VARS2: variants seen among roughly 807,000 people sequenced by gnomAD.
VARS2 encodes valyl-tRNA synthetase 2, mitochondrial.
In VARS2, 105 loss-of-function variants were observed where a neutral mutation model predicts 154.1. The observed-to-expected ratio is 0.68, with a 90% CI of 0.58 to 0.80. The LOEUF is 0.80. VARS2 is among the 30% of genes least tolerant of loss of function. The probability of loss-of-function intolerance (pLI) is 0.00; values close to 1 mark genes in which losing one functional copy is unlikely to be tolerated. For synonymous variants in VARS2, 483 were observed against 539.5 expected (o/e 0.90, Z 1.45); for missense variants, 1,157 against 1,361.4 (o/e 0.85, Z 2.36).
At chr6:30,922,678 G>A in intron 21 of VARS2, 28 bp from the exon 22 acceptor site, 1 of 1,607,078 alleles carries the variant, frequency 6.2e-7, no homozygotes, top group South Asian at 1.1e-5. Flanking sequence ...TTCGACCTGG[G>A]TCGTGAATTG....
chr6:30,914,300 T>G lies in VARS2; in HGVS notation c.-72T>G, dbSNP rs1160213187. On this transcript the variant is annotated 5_prime_UTR_variant, in exon 1 of 30. Transcript: ENST00000676266. ...GGGTCGGGTTTGGTGGATTCCTCAGTCCCTGCCGCCGCGGGGCGCCCTGGG... is the reference window on the plus strand; with the variant it reads ...GGGTCGGGTTTGGTGGATTCCTCAGGCCCTGCCGCCGCGGGGCGCCCTGGG... The G allele has an allele frequency of 9.2e-7, 1 of 1,088,054 alleles. No individual in the cohort carries two copies. The highest frequency in any genetic ancestry group is 3.2e-5 in the East Asian group (1 of 30,796). The allele number at this position is 1,088,054 out of a possible 1,614,324, so 67.4% of individuals were successfully genotyped here.
chr6:30,926,329 T>C lies in VARS2; in HGVS notation c.*119T>C, dbSNP rs918522216. The C allele has an allele frequency of 9.8e-7, 1 of 1,018,948 alleles. No individual in the cohort carries two copies. Among genetic ancestry groups the C allele is most frequent in the African/African-American group, 1.6e-5 (1 of 62,590 alleles). 63.1% of individuals were successfully genotyped at this position (1,018,948 alleles called of 1,614,324 possible). Reference sequence around the variant, plus strand: ...TATGTGGTCCATCGCCTTCATTGTGTAAATGAGGACACAGACTGGCTTGGT... The same window carrying C: ...TATGTGGTCCATCGCCTTCATTGTGCAAATGAGGACACAGACTGGCTTGGT... On this transcript the variant is annotated 3_prime_UTR_variant, in exon 30 of 30. Transcript: ENST00000676266.
chr6:30,919,668 A>T lies in VARS2; in HGVS notation c.1075-90A>T. ...TCTAGCTTGCTACCTTCCACTTTCT[A>T]CCTTCTTATTCCTGGGGTTCTCACG... On this transcript the variant is annotated intron_variant, in intron 11 of 29. Transcript: ENST00000676266. This position sits in a 1 kb window ranked among gnomAD's most constrained non-coding sequence, Gnocchi z 4.5. 9.8e-7 allele frequency: 1 copy of T among 1,024,690 alleles called. No individual in the cohort carries two copies. The highest frequency in any genetic ancestry group is 1.4e-6 in the Non-Finnish European group (1 of 739,506). The allele number at this position is 1,024,690 out of a possible 1,614,324, so 63.5% of individuals were successfully genotyped here. A position where few individuals can be genotyped will look rare whatever the true frequency, so the allele number is the denominator to read the frequency against.
In VARS2 at chr6:30,914,274, A is replaced by G. The variant is rs1434836196; in HGVS notation, c.-98A>G. 1.1e-6 allele frequency: 1 copy of G among 888,682 alleles called. No homozygotes were observed. The allele number at this position is 888,682 out of a possible 1,614,324, so 55.0% of individuals were successfully genotyped here. ...CCGCGCGGCTCCAGGGCCACGTTCC[A>G]GGGTCGGGTTTGGTGGATTCCTCAG... On this transcript the variant is annotated 5_prime_UTR_variant, in exon 1 of 30. Coordinates refer to ENST00000676266, the MANE Select transcript of VARS2 (RefSeq NM_020442.6).
At position 30,926,023 on chromosome 6, in the gene VARS2, G is replaced by A; in HGVS notation, c.3090+15G>A. On this transcript the variant is annotated intron_variant, in intron 29 of 29. Coordinates refer to ENST00000676266, the MANE Select transcript of VARS2 (RefSeq NM_020442.6). The stretch of plus-strand genomic sequence containing the variant: ...GGCAACAAAAGGTAAGGCTGAGGGA[G>A]GCCCCCAGAAGGCTCCACCCCTGAG... 3 of 1,613,072 alleles carry A rather than the reference G, an allele frequency of 1.9e-6. No homozygotes were observed. Among genetic ancestry groups the A allele is most frequent in the Non-Finnish European group, 2.5e-6 (3 of 1,180,012 alleles).
In VARS2 at chr6:30,916,074, T is replaced by C. The variant is rs1794146186; in HGVS notation, c.573+27T>C. On this transcript the variant is annotated intron_variant, in intron 6 of 29. Transcript: ENST00000676266. The surrounding 1 kb of genome is among the most constrained non-coding windows in gnomAD (Gnocchi z 4.0). ...TATGTCTTTTGTTACCTGTTCCTTT[T>C]CTTGGGCAAAAGCAATTTCTTCCCC... 6.2e-7 allele frequency: 1 copy of C among 1,609,690 alleles called. No individual in the cohort carries two copies. Among genetic ancestry groups the C allele is most frequent in the African/African-American group, 1.4e-5 (1 of 73,802 alleles).
chr6:30,917,006 G>C lies in VARS2; in HGVS notation c.753+47G>C. 6.2e-7 allele frequency: 1 copy of C among 1,613,662 alleles called. No homozygotes were observed. On this transcript the variant is annotated intron_variant, in intron 8 of 29. Coordinates refer to ENST00000676266, the MANE Select transcript of VARS2 (RefSeq NM_020442.6). The surrounding 1 kb of genome is among the most constrained non-coding windows in gnomAD (Gnocchi z 4.4). ...CCCTGTGAGTGATGGGCGATGTTTA[G>C]GGATCTGTGTGGGGCAGGGAGGAAG...
rs900606624 is a variant in VARS2 at position 30,916,256 on chromosome 6, A to T, written c.671+7A>T. 11 of 1,609,590 alleles carry T rather than the reference A, an allele frequency of 6.8e-6. No homozygotes were observed. The highest frequency in any genetic ancestry group is 8.5e-6 in the Non-Finnish European group (10 of 1,177,278). ...TGTGGCAGTGGAAGGAGGCGTGAGT[A>T]TGATGGGCAGGACTCGGGGGGCCCA... On this transcript the variant is annotated splice_region_variant and intron_variant, in intron 7 of 29. Coordinates refer to ENST00000676266, the MANE Select transcript of VARS2 (RefSeq NM_020442.6). The surrounding 1 kb of genome is among the most constrained non-coding windows in gnomAD (Gnocchi z 4.0).
At chr6:30,926,076 C>G in intron 29 of VARS2, 33 bp from the exon 30 acceptor site, 2 of 1,613,022 alleles carry the variant, frequency 1.2e-6, no homozygotes, top group Non-Finnish European at 1.7e-6. Flanking sequence ...GGGCCTCATT[C>G]CTGGATCCTC....
rs1304638932 is a variant in VARS2 at position 30,921,180 on chromosome 6, A to AG, written c.1557-44dup. ...AAGGGGAGCTCTTGTGGAGATGGGG[A>AG]GGGGGGACTGACTGGTTATTCTAAG... On this transcript the variant is annotated intron_variant, in intron 16 of 29. Coordinates refer to ENST00000676266, the MANE Select transcript of VARS2 (RefSeq NM_020442.6). The surrounding 1 kb of genome is among the most constrained non-coding windows in gnomAD (Gnocchi z 4.6). The AG allele has an allele frequency of 3.1e-6, 5 of 1,613,502 alleles. No individual in the cohort carries two copies. The highest frequency in any genetic ancestry group is 4.2e-6 in the Non-Finnish European group (5 of 1,179,762).
chr6:30,926,111 T>C lies in VARS2; in HGVS notation c.3093T>C (p.Leu1031=). The change falls in exon 30 of 30, where the codon CTT becomes CTC. Residue 1031 remains leucine, a splice_region_variant and synonymous_variant. Coordinates refer to ENST00000676266, the MANE Select transcript of VARS2 (RefSeq NM_020442.6). ...GEAGTQRQQK[L]SSLQLELSKL... is the part of the protein sequence containing the mutation. ...CACCTCCTTTTCTCCTCGTCCAGCTTTCTTCCCTCCAGCTGGAATTGTCAA... is the reference window on the plus strand; with the variant it reads ...CACCTCCTTTTCTCCTCGTCCAGCTCTCTTCCCTCCAGCTGGAATTGTCAA... 3 of 1,613,072 alleles carry C rather than the reference T, an allele frequency of 1.9e-6. No homozygotes were observed. Among genetic ancestry groups the C allele is most frequent in the South Asian group, 1.1e-5 (1 of 91,086 alleles).
In VARS2 at chr6:30,918,062, TTTTG is replaced by T. The variant is rs147192830; in HGVS notation, c.985+276_985+279del. 0.28 allele frequency among the ~76,000 whole-genome samples: 42,289 copies of T among 151,540 alleles called. 6,701 individuals are homozygous for T. Among genetic ancestry groups the T allele is most frequent in the Middle Eastern group, 0.37 (107 of 290 alleles). The stretch of plus-strand genomic sequence containing the variant: ...GAGATCAGTTCTAAGGTATGTTTTG[TTTTG>T]TTTGTTTGTTTGTTTGTTTTGAGAC... On this transcript the variant is annotated intron_variant, in intron 10 of 29. Transcript: ENST00000676266.
In VARS2 at chr6:30,921,046, A is replaced by C. The variant is rs948017462; in HGVS notation, c.1480-19A>C. Reference sequence around the variant, plus strand: ...CGTGCAGGAAGGGCAACATTGTCTAAAGTCCCCTTTCTCTCCAGGCTGTGG... The same window carrying C: ...CGTGCAGGAAGGGCAACATTGTCTACAGTCCCCTTTCTCTCCAGGCTGTGG... On this transcript the variant is annotated intron_variant, in intron 15 of 29. Coordinates refer to ENST00000676266, the MANE Select transcript of VARS2 (RefSeq NM_020442.6). The surrounding 1 kb of genome is among the most constrained non-coding windows in gnomAD (Gnocchi z 4.6). 1.2e-6 allele frequency: 2 copies of C among 1,601,048 alleles called. No homozygotes were observed. Among genetic ancestry groups the C allele is most frequent in the Non-Finnish European group, 1.7e-6 (2 of 1,173,728 alleles).
intron 10 of VARS2, chr6:30,918,626 C>G: frequency 1.4e-6 from 1 of 702,998 alleles, no homozygotes. Context: ...GAGACCCTCT[C>G]AGACCTCTGG....
rs190407755 is a variant in VARS2 at position 30,923,347 on chromosome 6, C to T, written c.2314-6C>T. ...AGTCAGGCCATCCTGCCCCCTCTGC[C>T]TGCAGCTGTCTCCCTCCTCCCCGAT... On this transcript the variant is annotated splice_region_variant and splice_polypyrimidine_tract_variant and intron_variant, in intron 24 of 29. Transcript: ENST00000676266. The T allele has an allele frequency of 6.2e-6, 10 of 1,608,924 alleles. No individual in the cohort carries two copies. Among genetic ancestry groups the T allele is most frequent in the African/African-American group, 5.3e-5 (4 of 74,952 alleles).
In VARS2 at chr6:30,916,486, A is replaced by G; in HGVS notation, c.671+237A>G. 1 of 310,422 alleles carries G rather than the reference A, an allele frequency of 3.2e-6. No homozygotes were observed. The allele number at this position is 310,422 out of a possible 1,614,324, so 19.2% of individuals were successfully genotyped here. On this transcript the variant is annotated intron_variant, in intron 7 of 29. Transcript: ENST00000676266. The surrounding 1 kb of genome is among the most constrained non-coding windows in gnomAD (Gnocchi z 4.0). ...TGTGTGTGTGTGTGTGTATTTATATATATATATATATTTTCTTTCTCTTTA... is the reference window on the plus strand; with the variant it reads ...TGTGTGTGTGTGTGTGTATTTATATGTATATATATATTTTCTTTCTCTTTA...
intron 1 of VARS2, 149 bp from the exon 2 acceptor site, chr6:30,914,661 T>C (rs1026324155): frequency 4.0e-5 from 42 of 1,061,262 alleles, no homozygotes; most frequent in Middle Eastern, 4.2e-4. Context: ...TACCATGCAC[T>C]CTAGCTCTCA....
In VARS2 at chr6:30,914,936, C is replaced by G. The variant is rs776104443; in HGVS notation, c.100C>G (p.Pro34Ala). The G allele has an allele frequency of 7.4e-6, 12 of 1,612,942 alleles. No homozygotes were observed. The African/African-American group carries it at 1.6e-4, about 22-fold the overall frequency. The change falls in exon 2 of 30, where the codon CCC (proline) becomes GCC (alanine). Residue 34 changes from proline (P) to alanine (A), a missense_variant. Coordinates refer to ENST00000676266, the MANE Select transcript of VARS2 (RefSeq NM_020442.6). ...RFHSVSTQSE[P>A]HGSPISRRNR... The stretch of plus-strand genomic sequence containing the variant: ...TCACTCCGTTTCTACACAGTCGGAG[C>G]CCCATGGATCTCCCATCTCCCGGAG...
chr6:30,925,761 G>A (rs758341139), intron 28 of VARS2, 42 bp downstream of exon 28: 4 of 1,610,788 alleles, frequency 2.5e-6, no homozygotes, highest in Non-Finnish European at 3.4e-6. Flanking sequence ...GGCTTGGGAA[G>A]CATGCTGGGA....
Sources: gnomAD v4.1 joint callset for allele counts (sites outside exome capture counted in the v4.1 genomes callset) on GRCh38, gnomAD v4.1.1 for gene constraint, Gnocchi (gnomAD v3.1) non-coding constraint, MANE v1.5 for transcripts, NCBI Gene and HGNC (gene_info 2026-07-23, HGNC 2026-07-21) for gene names.